Variants in USP25 observed in about 807,000 individuals in gnomAD.
USP25 encodes the protein ubiquitin carboxyl-terminal hydrolase 25.
In USP25, 85 loss-of-function variants were observed where a neutral mutation model predicts 158.5. The observed-to-expected ratio is 0.54, with a 90% CI of 0.45 to 0.64. USP25 has a LOEUF of 0.64. Ranked by LOEUF, USP25 falls within the 30% of genes least tolerant of loss-of-function variation. USP25 has a pLI of 0.00. For missense variants in USP25, 1,242 were observed against 1,327.3 expected, an observed-to-expected ratio of 0.94 and a Z score of 1.00; for synonymous variants, 464 against 460.4, an observed-to-expected ratio of 1.01 and a Z score of -0.10.
intron 16 of USP25, among the ~76,000 whole-genome samples, chr21:15,832,923 C>T (rs1037051882): frequency 4.0e-5 from 6 of 151,874 alleles, no homozygotes; most frequent in Admixed American, 2.0e-4. Flanking sequence ...GAGGCTGAGG[C>T]GGGAGAATCG....
chr21:15,837,694 C>G (rs1422059968), intron 17 of USP25, among the ~76,000 whole-genome samples: 1 of 152,096 alleles, frequency 6.6e-6, no homozygotes, highest in Admixed American at 6.6e-5. Context: ...ATATAGCACA[C>G]CCAGATTTCT....
intron 17 of USP25, among the ~76,000 whole-genome samples, chr21:15,840,785 G>A (rs1028900655): frequency 3.3e-5 from 5 of 152,190 alleles, no homozygotes; most frequent in African/African-American, 1.2e-4. Flanking sequence ...TTAGACCAAT[G>A]TCAGACCAGA....
chr21:15,750,300 TG>T (rs1401529022), intron 1 of USP25, among the ~76,000 whole-genome samples: 31 of 148,522 alleles, frequency 2.1e-4, no homozygotes, highest in Non-Finnish European at 1.5e-5. Context: ...GGCACAATCT[TG>T]GTTCACTGCA....
chr21:15,745,249 C>A (rs1029236167), intron 1 of USP25, among the ~76,000 whole-genome samples: 1 of 152,020 alleles, frequency 6.6e-6, no homozygotes, highest in African/African-American at 2.4e-5. Flanking sequence ...AAGATTATTT[C>A]CCAATTTCTT....
chr21:15,734,017 A>G (rs2031235033), intron 1 of USP25, among the ~76,000 whole-genome samples: 1 of 152,234 alleles, frequency 6.6e-6, no homozygotes, highest in African/African-American at 2.4e-5. Flanking sequence ...CAGTAATATT[A>G]GTATGTTAAC....
chr21:15,797,036 T>C (rs1300062174), intron 5 of USP25, among the ~76,000 whole-genome samples: 2 of 151,450 alleles, frequency 1.3e-5, no homozygotes, highest in Non-Finnish European at 3.0e-5. Flanking sequence ...TTAGCAGCAT[T>C]ATTAGACACA....
chr21:15,761,233 A>T (rs1259611028), intron 1 of USP25, among the ~76,000 whole-genome samples: 3 of 152,084 alleles, frequency 2.0e-5, no homozygotes, highest in Middle Eastern at 6.3e-3. Flanking sequence ...ACTAACTTTG[A>T]TCTCTTGGTT....
chr21:15,810,724 A>G (rs1222828449), intron 8 of USP25, among the ~76,000 whole-genome samples: 1 of 152,158 alleles, frequency 6.6e-6, no homozygotes, highest in Non-Finnish European at 1.5e-5. Context: ...TAACCTATCA[A>G]AATTTTGTAG....
chr21:15,820,940 G>T (rs2037200898), intron 10 of USP25, among the ~76,000 whole-genome samples: 1 of 151,886 alleles, frequency 6.6e-6, no homozygotes, highest in Non-Finnish European at 1.5e-5. Flanking sequence ...AGAGACAACT[G>T]AATAAGTTAA....
rs960968175 is a variant in USP25 at position 15,766,969 on chromosome 21, T to C, written c.268+828T>C. Reference sequence around the variant, plus strand: ...TTTATTAATGTTTATTGATAAAATATTTTAATTTTTAGTTTTCAGGATAAT... The same window carrying C: ...TTTATTAATGTTTATTGATAAAATACTTTAATTTTTAGTTTTCAGGATAAT... On this transcript the variant is annotated intron_variant, in intron 3 of 25. Coordinates refer to ENST00000400183, the MANE Select transcript of USP25 (RefSeq NM_001283041.3). This position sits in a 1 kb window ranked among gnomAD's most constrained non-coding sequence, Gnocchi z 4.0. Among the ~76,000 whole-genome samples, 2 of 152,096 alleles carry C rather than the reference T, an allele frequency of 1.3e-5. No individual in the cohort carries two copies. Among genetic ancestry groups the C allele is most frequent in the East Asian group, 3.9e-4 (2 of 5,194 alleles).
At chr21:15,734,693 C>A (rs1002392581) in intron 1 of USP25, among the ~76,000 whole-genome samples, 4 of 152,110 alleles carry the variant, frequency 2.6e-5, no homozygotes, top group African/African-American at 4.8e-5. Context: ...TGACAGAATG[C>A]TACTACAATT....
In USP25 at chr21:15,734,225, C is replaced by T. The variant is rs146604819; in HGVS notation, c.45+3787C>T. On this transcript the variant is annotated intron_variant, in intron 1 of 25. Coordinates refer to ENST00000400183, the MANE Select transcript of USP25 (RefSeq NM_001283041.3). ...AGGTGGGAAGGTTGTCATAGATTAG[C>T]CAAGTTCAAGAGTTAAAACTTGAAA... is the stretch of plus-strand genomic sequence containing the variant. Among the ~76,000 whole-genome samples the T allele has an allele frequency of 4.3e-3, 650 of 152,244 alleles. 4 individuals are homozygous for T. The highest frequency in any genetic ancestry group is 6.5e-3 in the Non-Finnish European group (440 of 68,006).
At chr21:15,748,349 A>C (rs1456786948) in intron 1 of USP25, among the ~76,000 whole-genome samples, 1 of 151,690 alleles carries the variant, frequency 6.6e-6, no homozygotes, top group Non-Finnish European at 1.5e-5. Flanking sequence ...TGGCATAATC[A>C]TAGCCTGCTT....
chr21:15,752,507 C>G (rs1277628487), intron 1 of USP25, among the ~76,000 whole-genome samples: 1 of 152,182 alleles, frequency 6.6e-6, no homozygotes, highest in Non-Finnish European at 1.5e-5. Flanking sequence ...AGCCACTGCA[C>G]CTGGCCCAGA....
intron 9 of USP25, among the ~76,000 whole-genome samples, chr21:15,813,215 T>G (rs1215978060): frequency 6.6e-6 from 1 of 152,216 alleles, no homozygotes; most frequent in Non-Finnish European, 1.5e-5. Flanking sequence ...GTAATCACCA[T>G]TCTTTCTCTC....
At chr21:15,764,684 G>A (rs564586729) in intron 2 of USP25, among the ~76,000 whole-genome samples, 23 of 152,188 alleles carry the variant, frequency 1.5e-4, no homozygotes, top group African/African-American at 5.5e-4. Flanking sequence ...CATATAGTAA[G>A]TGCTCAATAA....
At chr21:15,847,426 T>G (rs2038674676) in intron 18 of USP25, among the ~76,000 whole-genome samples, 1 of 152,214 alleles carries the variant, frequency 6.6e-6, no homozygotes, top group South Asian at 2.1e-4. Flanking sequence ...CATTTGCTTC[T>G]GATGTTCAGT....
chr21:15,838,891 C>G (rs75025395), intron 17 of USP25, among the ~76,000 whole-genome samples: 11,431 of 152,112 alleles, frequency 0.075, 503 homozygotes, highest in East Asian at 0.099. Context: ...AAAGCACCCC[C>G]AAACCTCCTC....
chr21:15,799,769 C>A lies in USP25; in HGVS notation c.568C>A (p.Leu190Ile), dbSNP rs1045886612. The change falls in exon 6 of 26, where the codon CTT (leucine) becomes ATT (isoleucine). Residue 190 changes from leucine (L) to isoleucine (I), a missense_variant. Physicochemically the swap from Leu to Ile is conservative, Grantham distance 5. Around this residue, in one of 3 missense-constraint regions of USP25, gnomAD observed 627 missense variants for 701.4 expected, o/e 0.89. Coordinates refer to ENST00000400183, the MANE Select transcript of USP25 (RefSeq NM_001283041.3). ...FSAVIQSLFN[L>I]LEFRRLVLNY... ...TGTTCTTTTTCAGTCATTATTTAAT[C>A]TTTTGGAATTTAGAAGATTAGTTCT... 6 of 1,594,382 alleles carry A rather than the reference C, an allele frequency of 3.8e-6. No individual in the cohort carries two copies. The highest frequency in any genetic ancestry group is 4.3e-6 in the Non-Finnish European group (5 of 1,170,180).
Sources: allele counts gnomAD v4.1 joint callset (sites outside exome capture counted in the v4.1 genomes callset), GRCh38; gene constraint gnomAD v4.1.1; regional missense constraint gnomAD v4.1.1; non-coding constraint Gnocchi (gnomAD v3.1); transcripts MANE v1.5; gene names NCBI Gene and HGNC (gene_info 2026-07-23, HGNC 2026-07-21).